The following AGTPBP1 variants were observed in gnomAD, a reference collection of about 807,000 sequenced individuals.
The protein encoded by AGTPBP1 is cytosolic carboxypeptidase 1.
AGTPBP1 carries 70 observed loss-of-function variants against 143.9 expected under a neutral mutation model. The ratio of observed to expected loss-of-function variants is 0.49; its 90% CI spans 0.40 to 0.59. The LOEUF is 0.59. Among genes scored for constraint, AGTPBP1 ranks in the 20% least tolerant of loss-of-function variants. The probability of loss-of-function intolerance (pLI) is 0.00; values close to 1 mark genes in which losing one functional copy is unlikely to be tolerated. For missense variants in AGTPBP1, 1,229 were observed against 1,464.5 expected (o/e 0.84, Z 2.62); for synonymous variants, 463 against 500.2 (o/e 0.93, Z 0.99).
intron 2 of AGTPBP1, among the ~76,000 whole-genome samples, chr9:85,707,209 A>T (rs1006886539): frequency 6.6e-6 from 1 of 152,178 alleles, no homozygotes; most frequent in African/African-American, 2.4e-5. Flanking sequence ...TGAAAACACA[A>T]CATATCAGAA....
chr9:85,591,181 C>CAAA (rs59204739), intron 19 of AGTPBP1, among the ~76,000 whole-genome samples: 3 of 126,458 alleles, frequency 2.4e-5, no homozygotes, highest in South Asian at 2.5e-4. Context: ...GTGGATATGG[C>CAAA]AAAAAAAAAA....
chr9:85,723,800 C>G (rs1490169464), intron 1 of AGTPBP1, among the ~76,000 whole-genome samples: 1 of 152,114 alleles, frequency 6.6e-6, no homozygotes, highest in Non-Finnish European at 1.5e-5. Context: ...GGAGCTGTTC[C>G]TATTTGGTCA....
At chr9:85,736,294 T>C (rs1349560014) in intron 1 of AGTPBP1, among the ~76,000 whole-genome samples, 1 of 152,206 alleles carries the variant, frequency 6.6e-6, no homozygotes, top group East Asian at 1.9e-4. Context: ...AAAATATTTT[T>C]CTTTAAATTT....
intron 8 of AGTPBP1, among the ~76,000 whole-genome samples, chr9:85,666,115 G>A (rs1432316377): frequency 6.6e-6 from 1 of 152,050 alleles, no homozygotes; most frequent in Non-Finnish European, 1.5e-5. Context: ...AGTAGTCTGT[G>A]GCTTAGATTT....
the AGTPBP1 span, among the ~76,000 whole-genome samples, chr9:85,785,151 G>A: frequency 3.3e-5 from 5 of 152,130 alleles, no homozygotes; most frequent in East Asian, 7.8e-4. Flanking sequence ...TGGCTAACAC[G>A]GTGAAACCCC....
chr9:85,748,067 C>T, the AGTPBP1 span, among the ~76,000 whole-genome samples: 1 of 152,078 alleles, frequency 6.6e-6, no homozygotes, highest in Admixed American at 6.5e-5. Flanking sequence ...AAGTTGACTG[C>T]ATTTGTTTCT....
At chr9:85,719,481 G>C (rs944702137) in intron 1 of AGTPBP1, among the ~76,000 whole-genome samples, 1 of 152,158 alleles carries the variant, frequency 6.6e-6, no homozygotes, top group African/African-American at 2.4e-5. Context: ...TGGTGTATAG[G>C]AATGCTTGTG....
At chr9:85,803,033 A>G in the AGTPBP1 span, among the ~76,000 whole-genome samples, 28 of 152,222 alleles carry the variant, frequency 1.8e-4, no homozygotes, top group Admixed American at 1.8e-3. Context: ...CAGTCTGCCA[A>G]AATGATCTTG....
At chr9:85,684,712 A>C (rs62569231) in intron 3 of AGTPBP1, among the ~76,000 whole-genome samples, 2,545 of 152,146 alleles carry the variant, frequency 0.017, 26 homozygotes, top group Middle Eastern at 0.054. Flanking sequence ...AGAACTTTAA[A>C]CTTCCTAACA....
chr9:85,635,713 GA>G (rs1225564254), intron 13 of AGTPBP1, among the ~76,000 whole-genome samples: 2 of 151,644 alleles, frequency 1.3e-5, no homozygotes, highest in East Asian at 3.9e-4. Flanking sequence ...TCTCAAAGGC[GA>G]TGAAGGACAG....
At chr9:85,788,895 T>C in the AGTPBP1 span, among the ~76,000 whole-genome samples, 4 of 151,660 alleles carry the variant, frequency 2.6e-5, no homozygotes, top group South Asian at 2.1e-4. Flanking sequence ...AAGATCCTAA[T>C]AATAAGTTCC....
intron 13 of AGTPBP1, among the ~76,000 whole-genome samples, chr9:85,639,364 C>CGT (rs1832306895): frequency 8.2e-6 from 1 of 122,660 alleles, no homozygotes; most frequent in African/African-American, 3.4e-5. Context: ...TGCGCGCGCA[C>CGT]GCGCACACAC....
At chr9:85,687,076 C>T (rs1835531000) in intron 3 of AGTPBP1, among the ~76,000 whole-genome samples, 1 of 152,044 alleles carries the variant, frequency 6.6e-6, no homozygotes, top group Admixed American at 6.5e-5. Flanking sequence ...AATCATTCGG[C>T]AGCTGGAGTG....
intron 21 of AGTPBP1, 35 bp from the exon 22 acceptor site, chr9:85,586,995 T>G (rs1337759518): frequency 1.9e-6 from 3 of 1,612,274 alleles, no homozygotes; most frequent in Non-Finnish European, 2.5e-6. Context: ...AGAAAAACAC[T>G]GGTACCCATA....
At position 85,632,812 on chromosome 9, in the gene AGTPBP1, G is replaced by C. The variant is rs762826211; in HGVS notation, c.1865C>G (p.Pro622Arg). The C allele has an allele frequency of 1.9e-6, 3 of 1,613,976 alleles. No homozygotes were observed. The African/African-American group carries it at 4.0e-5, about 22-fold the overall frequency. The change falls in exon 14 of 26, where the codon CCA becomes CGA. Residue 622 changes from proline (P) to arginine (R), a missense_variant. Pro to Arg is a moderately radical substitution (Grantham distance 103). Transcript: ENST00000357081. Reference protein sequence around the residue: ...EQASVEVPDGPTLHDPDLYIE... With the variant: ...EQASVEVPDGRTLHDPDLYIE... ...ATAGAGGTCTGGGTCATGGAGTGTT[G>C]GTCCATCAGGTACTTCAACCGATGC...
chr9:85,624,097 C>T (rs2133591531), intron 14 of AGTPBP1, among the ~76,000 whole-genome samples: 1 of 152,278 alleles, frequency 6.6e-6, no homozygotes, highest in East Asian at 1.9e-4. Context: ...CACAGGGCAA[C>T]ACTATAAGAA....
upstream of AGTPBP1, chr9:85,742,001 C>T: frequency 1.7e-6 from 2 of 1,210,160 alleles, no homozygotes; most frequent in African/African-American, 1.6e-5. Flanking sequence ...CCACCGCACG[C>T]CTTGCCAGCC....
At chr9:85,631,107 C>T (rs896822767) in intron 14 of AGTPBP1, among the ~76,000 whole-genome samples, 2 of 152,170 alleles carry the variant, frequency 1.3e-5, no homozygotes, top group African/African-American at 4.8e-5. Context: ...GTCTTAGACA[C>T]AAGGAGTCCA....
intron 2 of AGTPBP1, among the ~76,000 whole-genome samples, chr9:85,696,241 T>C (rs565194871): frequency 1.4e-4 from 22 of 152,324 alleles, no homozygotes; most frequent in African/African-American, 5.1e-4. Context: ...ATTTGAGCTT[T>C]CAAGCAAAAA....
Sources: gnomAD v4.1 joint callset for allele counts (sites outside exome capture counted in the v4.1 genomes callset) on GRCh38, gnomAD v4.1.1 for gene constraint, MANE v1.5 for transcripts, NCBI Gene and HGNC (gene_info 2026-07-23, HGNC 2026-07-21) for gene names.